Variants in KLC2 observed in about 807,000 individuals in gnomAD.
KLC2 encodes the protein KLC 2.
A neutral mutation model predicts 75.1 loss-of-function variants in KLC2; 35 were observed. The ratio of observed to expected loss-of-function variants is 0.47; its 90% CI spans 0.36 to 0.62. The LOEUF is 0.62. KLC2 is among the 20% of genes least tolerant of loss of function. The probability of loss-of-function intolerance (pLI) is 0.00; values close to 1 mark genes in which losing one functional copy is unlikely to be tolerated. For missense variants in KLC2, 611 were observed against 833.2 expected, an observed-to-expected ratio of 0.73 and a Z score of 3.28; for synonymous variants, 314 against 336.7, an observed-to-expected ratio of 0.93 and a Z score of 0.74.
At chr11:66,264,323 T>C (rs1266849799) in intron 8 of KLC2, 22 bp from the exon 9 acceptor site, 3 of 1,602,620 alleles carry the variant, frequency 1.9e-6, no homozygotes, top group Non-Finnish European at 2.6e-6. Flanking sequence ...TCCCGCTCAC[T>C]CTCTGGGTCT....
chr11:66,246,432 A>G, the KLC2 span, among the ~76,000 whole-genome samples: 1 of 152,054 alleles, frequency 6.6e-6, no homozygotes, highest in Admixed American at 6.5e-5. Context: ...CCATATCCTC[A>G]GCCTCCCCTT....
At chr11:66,262,064 T>C (rs1856472210) in intron 3 of KLC2, 59 bp from the exon 4 acceptor site, 1 of 1,590,470 alleles carries the variant, frequency 6.3e-7, no homozygotes, top group Admixed American at 1.7e-5. Context: ...CCCCAGCCCA[T>C]GGACACCCCG....
chr11:66,260,511 AC>A (rs1856319556), intron 2 of KLC2, among the ~76,000 whole-genome samples: 1 of 151,982 alleles, frequency 6.6e-6, no homozygotes, highest in African/African-American at 2.4e-5. Flanking sequence ...GTGGTGGCTC[AC>A]GCCTGTAATT....
chr11:66,265,619 G>T, intron 11 of KLC2, 36 bp from the exon 12 acceptor site: 1 of 1,550,680 alleles, frequency 6.4e-7, no homozygotes, highest in South Asian at 1.1e-5. Flanking sequence ...CCCTGGGTCT[G>T]GGGGAACATG....
chr11:66,262,019 G>A (rs41302421), intron 3 of KLC2, 47 bp downstream of exon 3: 12 of 1,590,560 alleles, frequency 7.5e-6, no homozygotes, highest in Non-Finnish European at 1.0e-5. Flanking sequence ...AGGCCTGGGA[G>A]CAGGGAGGGG....
chr11:66,262,244 G>C (rs1348303022), intron 4 of KLC2, 52 bp downstream of exon 4: 8 of 1,468,718 alleles, frequency 5.4e-6, no homozygotes, highest in Non-Finnish European at 7.6e-6. Context: ...GTGAACTCTT[G>C]GTCCTTGGGA....
At chr11:66,255,481 G>A (rs1403574022), upstream of KLC2, among the ~76,000 whole-genome samples, 1 of 152,176 alleles carries the variant, frequency 6.6e-6, no homozygotes, top group African/African-American at 2.4e-5. Flanking sequence ...GAGCCACTGA[G>A]CCCAGCCCAA....
chr11:66,262,869 G>A lies in KLC2; in HGVS notation c.585G>A (p.Pro195=), dbSNP rs145455129. Residue 195 remains proline (P), a synonymous_variant, in exon 5 of 16, where the codon CCG becomes CCA. Coordinates refer to ENST00000394067, the MANE Select transcript of KLC2 (RefSeq NM_001318734.2). The part of the protein sequence containing the change: ...VSGQHGGYEI[P]ARLRTLHNLV... ...GTCAGCATGGGGGCTACGAGATCCC[G>A]GCCCGGCTCCGCACCCTGCACAACC... 242 of 1,613,760 alleles carry A rather than the reference G, an allele frequency of 1.5e-4. No homozygotes were observed. The highest frequency in any genetic ancestry group is 3.3e-4 in the Middle Eastern group (2 of 6,056).
chr11:66,258,562 G>T, intron 1 of KLC2, 22 bp from the exon 2 acceptor site: 1 of 1,559,924 alleles, frequency 6.4e-7, no homozygotes, highest in East Asian at 2.3e-5. Flanking sequence ...GCGCCCGCCT[G>T]CCCGCACCCT....
rs569190308 is a variant in KLC2, at chr11:66,267,850, T to C, written c.*894T>C. 1.1e-4 allele frequency: 46 copies of C among 427,426 alleles called. No individual in the cohort carries two copies. In the South Asian group the frequency reaches 3.4e-3, roughly 31 times the overall value. The allele number at this position is 427,426 out of a possible 1,614,324, so 26.5% of individuals were successfully genotyped here. A position where few individuals can be genotyped will look rare whatever the true frequency, so the allele number is the denominator to read the frequency against. On this transcript the variant is annotated 3_prime_UTR_variant, in exon 16 of 16. Coordinates refer to ENST00000394067, the MANE Select transcript of KLC2 (RefSeq NM_001318734.2). Reference sequence around the variant, plus strand: ...GATGTTGCTGTAGAAATAAAGACGGTTTAAATCTGAGCTGGGCTTGTTTTG... The same window carrying C: ...GATGTTGCTGTAGAAATAAAGACGGCTTAAATCTGAGCTGGGCTTGTTTTG...
intron 11 of KLC2, 158 bp downstream of exon 11, chr11:66,265,393 C>A: frequency 1.4e-6 from 1 of 726,828 alleles, no homozygotes; most frequent in Non-Finnish European, 2.3e-6. Flanking sequence ...CAATTCTCAG[C>A]CTAATTCTCT....
intron 2 of KLC2, 180 bp from the exon 3 acceptor site, chr11:66,261,562 A>G (rs1330692785): frequency 5.2e-6 from 3 of 581,002 alleles, no homozygotes; most frequent in Non-Finnish European, 9.2e-6. Context: ...GCTTTGCATT[A>G]TGGTGTGTCG....
the KLC2 span, among the ~76,000 whole-genome samples, chr11:66,251,852 C>T: frequency 6.6e-6 from 1 of 152,226 alleles, no homozygotes; most frequent in Non-Finnish European, 1.5e-5. Flanking sequence ...GAGATTTGGA[C>T]AGGACTTAGT....
chr11:66,264,997 G>A, intron 9 of KLC2, 26 bp from the exon 10 acceptor site: 13 of 1,612,070 alleles, frequency 8.1e-6, no homozygotes, highest in Non-Finnish European at 1.1e-5. Context: ...ATGGTAGGCT[G>A]GTGACAGTCC....
At chr11:66,251,645 G>T in the KLC2 span, among the ~76,000 whole-genome samples, 1 of 151,960 alleles carries the variant, frequency 6.6e-6, no homozygotes, top group Admixed American at 6.6e-5. Context: ...GGTGGCGCAT[G>T]CCTGTAATCC....
the KLC2 span, chr11:66,245,145 C>A: frequency 6.6e-6 from 1 of 152,226 alleles, no homozygotes; most frequent in African/African-American, 2.4e-5. Flanking sequence ...TGAGGGACAT[C>A]TGTGGAGTTC....
chr11:66,261,676 C>A, intron 2 of KLC2, 66 bp from the exon 3 acceptor site: 1 of 1,070,698 alleles, frequency 9.3e-7, no homozygotes, highest in Non-Finnish European at 1.4e-6. Flanking sequence ...CCCAACTAGG[C>A]CCAGGCTACA....
chr11:66,265,249 G>GGCGGA lies in KLC2; in HGVS notation c.1334+16_1334+17insGGAGC. ...TAAAGTAGACAGGTGAGTGGGGCGG[G>GGCGGA]GCTGGGCTGGGGAGCAGGGCACGGC... On this transcript the variant is annotated intron_variant, in intron 11 of 15. Coordinates refer to ENST00000394067, the MANE Select transcript of KLC2 (RefSeq NM_001318734.2). 2 of 1,524,136 alleles carry GGCGGA rather than the reference G, an allele frequency of 1.3e-6. No homozygotes were observed. Among genetic ancestry groups the GGCGGA allele is most frequent in the Non-Finnish European group, 1.8e-6 (2 of 1,097,616 alleles). The allele number at this position is 1,524,136 out of a possible 1,614,324, so 94.4% of individuals were successfully genotyped here.
Position 66,266,234 on chromosome 11 carries a change from GGT to G in KLC2, c.1727+19_1727+20del. The G allele has an allele frequency of 6.3e-7, 1 of 1,588,300 alleles. No individual in the cohort carries two copies. Among genetic ancestry groups the G allele is most frequent in the Non-Finnish European group, 8.6e-7 (1 of 1,166,756 alleles). On this transcript the variant is annotated intron_variant, in intron 14 of 15. Coordinates refer to ENST00000394067, the MANE Select transcript of KLC2 (RefSeq NM_001318734.2). ...TAACCCCAGGTGAGCCCCCCACCAAGGTGAGCCTCAAGAACCACCCAGCAACC... is the reference window on the plus strand; with the variant it reads ...TAACCCCAGGTGAGCCCCCCACCAAGGAGCCTCAAGAACCACCCAGCAACC...
Sources: gnomAD v4.1 joint callset for allele counts (sites outside exome capture counted in the v4.1 genomes callset) on GRCh38, gnomAD v4.1.1 for gene constraint, MANE v1.5 for transcripts, NCBI Gene and HGNC (gene_info 2026-07-23, HGNC 2026-07-21) for gene names.